Variants in ADAM18 observed in about 807,000 individuals in gnomAD.
ADAM18 encodes the protein ADAM metallopeptidase domain 18, also known as disintegrin and metalloproteinase domain-containing protein 18.
Under a neutral mutation model 94.4 loss-of-function variants are expected in ADAM18, and 117 were observed. The observed-to-expected ratio is 1.24, with a 90% CI of 1.07 to 1.45. The LOEUF (loss-of-function observed/expected upper bound fraction) is 1.45, where lower values mean the gene tolerates loss of function less well. Among genes scored for constraint, ADAM18 ranks in the 40% most tolerant of loss-of-function variants. The pLI is 0.00. For synonymous variants in ADAM18, 327 were observed against 291.6 expected (o/e 1.12, Z -1.24); for missense variants, 936 against 880.0 (o/e 1.06, Z -0.81).
chr8:39,607,561 T>C (rs1371867493), intron 3 of ADAM18, among the ~76,000 whole-genome samples: 3 of 152,124 alleles, frequency 2.0e-5, no homozygotes, highest in Non-Finnish European at 2.9e-5. Context: ...TCTGTTTGTG[T>C]TTTAGTCTTA....
At chr8:39,663,425 C>CAAAAAAA (rs374386277) in intron 12 of ADAM18, among the ~76,000 whole-genome samples, 1 of 102,818 alleles carries the variant, frequency 9.7e-6, no homozygotes, top group Non-Finnish European at 1.8e-5. Flanking sequence ...CTAGTCTTTA[C>CAAAAAAA]AAAAAAAAAA....
intron 12 of ADAM18, among the ~76,000 whole-genome samples, chr8:39,659,283 G>T (rs1385940079): frequency 1.3e-5 from 2 of 151,648 alleles, no homozygotes; most frequent in Admixed American, 1.3e-4. Flanking sequence ...TAAAATAATT[G>T]ATTGGATTTT....
At chr8:39,709,024 G>A (rs1822319448) in intron 18 of ADAM18, among the ~76,000 whole-genome samples, 1 of 152,224 alleles carries the variant, frequency 6.6e-6, no homozygotes, top group African/African-American at 2.4e-5. Flanking sequence ...TTTCATGTGA[G>A]GTGGTAGCTC....
In ADAM18 at chr8:39,706,707, G is replaced by T. The variant is rs1822251152; in HGVS notation, c.1903-83G>T. On this transcript the variant is annotated intron_variant, in intron 17 of 19. Coordinates refer to ENST00000265707, the MANE Select transcript of ADAM18 (RefSeq NM_014237.3). ...AAAAATAATTATTCTATGAAATTTA[G>T]TTATTTATATCAGATACAAAGACCT... is the stretch of plus-strand genomic sequence containing the variant. 10 of 575,984 alleles carry T rather than the reference G, an allele frequency of 1.7e-5. No individual in the cohort carries two copies. In the East Asian group the frequency reaches 2.6e-4, roughly 15 times the overall value. The allele number at this position is 575,984 out of a possible 1,614,324, so 35.7% of individuals were successfully genotyped here. A position where few individuals can be genotyped will look rare whatever the true frequency, so the allele number is the denominator to read the frequency against.
At chr8:39,602,867 CTCA>C (rs1818948639) in intron 2 of ADAM18, among the ~76,000 whole-genome samples, 1 of 152,034 alleles carries the variant, frequency 6.6e-6, no homozygotes. Flanking sequence ...TATCTAAAAA[CTCA>C]TCATCAACAC....
intron 8 of ADAM18, 78 bp from the exon 9 acceptor site, chr8:39,637,459 A>G (rs1820111131): frequency 6.4e-6 from 9 of 1,414,904 alleles, no homozygotes; most frequent in African/African-American, 1.5e-5. Context: ...ATACTGGAAC[A>G]TGTTGTTTAT....
At chr8:39,592,400 T>G (rs1818594987) in intron 2 of ADAM18, among the ~76,000 whole-genome samples, 1 of 152,198 alleles carries the variant, frequency 6.6e-6, no homozygotes, top group African/African-American at 2.4e-5. Context: ...GTATGTTTAT[T>G]GCAGCACTAT....
intron 7 of ADAM18, among the ~76,000 whole-genome samples, chr8:39,634,668 T>A (rs1453036613): frequency 6.6e-6 from 1 of 152,190 alleles, no homozygotes; most frequent in Non-Finnish European, 1.5e-5. Flanking sequence ...GAAATGGGAA[T>A]GTCTGTTCTA....
At chr8:39,679,679 A>G (rs1299070717) in intron 15 of ADAM18, among the ~76,000 whole-genome samples, 1 of 152,166 alleles carries the variant, frequency 6.6e-6, no homozygotes, top group South Asian at 2.1e-4. Flanking sequence ...CTCTCAGCAA[A>G]TTTTGTTTAA....
rs145934533 is a variant in ADAM18 at position 39,687,716 on chromosome 8, G to A, written c.1822-4884G>A. On this transcript the variant is annotated intron_variant, in intron 16 of 19. Coordinates refer to ENST00000265707, the MANE Select transcript of ADAM18 (RefSeq NM_014237.3). ...AGCTCCCACTTATAAGTGAGAACAT[G>A]CAGTATTTAGTTTTCTGTTCCTGCA... 7.8e-4 allele frequency among the ~76,000 whole-genome samples: 118 copies of A among 152,240 alleles called. 2 individuals are homozygous for A. The East Asian group carries it at 0.02, about 26-fold the overall frequency.
chr8:39,679,900 A>G, intron 15 of ADAM18, 137 bp from the exon 16 acceptor site: 1 of 767,798 alleles, frequency 1.3e-6, no homozygotes, highest in South Asian at 1.7e-5. Context: ...TGTGCACCAT[A>G]AAATAATGTT....
chr8:39,677,283 C>A, intron 14 of ADAM18, 148 bp from the exon 15 acceptor site: 1 of 576,746 alleles, frequency 1.7e-6, no homozygotes, highest in South Asian at 2.5e-5. Flanking sequence ...TTATTTCTTT[C>A]TACTTGCATT....
intron 16 of ADAM18, among the ~76,000 whole-genome samples, chr8:39,690,064 C>T (rs769076215): frequency 1.2e-4 from 19 of 152,078 alleles, no homozygotes; most frequent in Non-Finnish European, 2.5e-4. Context: ...ATTTTGTATT[C>T]GGAGACTTTG....
At chr8:39,677,188 C>A (rs1821323116) in intron 14 of ADAM18, among the ~76,000 whole-genome samples, 1 of 152,100 alleles carries the variant, frequency 6.6e-6, no homozygotes, top group African/African-American at 2.4e-5. Context: ...TTTGCTCCCA[C>A]CAGAAAGAGA....
At chr8:39,667,831 A>G (rs1821033287) in intron 13 of ADAM18, among the ~76,000 whole-genome samples, 167 bp from the exon 14 acceptor site, 1 of 152,230 alleles carries the variant, frequency 6.6e-6, no homozygotes, top group Non-Finnish European at 1.5e-5. Context: ...TCTGGGCTTC[A>G]CAATGAATAC....
At chr8:39,588,829 A>G (rs1334296160) in intron 2 of ADAM18, among the ~76,000 whole-genome samples, 3 of 152,192 alleles carry the variant, frequency 2.0e-5, no homozygotes, top group African/African-American at 7.2e-5. Context: ...TTGTTAAAGT[A>G]CTTATAAGAT....
intron 12 of ADAM18, among the ~76,000 whole-genome samples, chr8:39,650,804 G>C (rs1820511335): frequency 6.6e-6 from 1 of 152,116 alleles, no homozygotes; most frequent in African/African-American, 2.4e-5. Context: ...TGAAGGGGTG[G>C]CCTCCCCCTC....
At chr8:39,670,988 A>G (rs1821138814) in intron 14 of ADAM18, among the ~76,000 whole-genome samples, 1 of 152,218 alleles carries the variant, frequency 6.6e-6, no homozygotes, top group Admixed American at 6.5e-5. Context: ...TAGTCTGTTC[A>G]AGAACTTGTT....
intron 10 of ADAM18, 68 bp downstream of exon 10, chr8:39,638,614 T>C (rs1820154482): frequency 1.1e-6 from 1 of 946,550 alleles, no homozygotes; most frequent in Non-Finnish European, 1.5e-6. Context: ...TAAGTATTAA[T>C]TTAAGTAGTT....
Sources: allele counts gnomAD v4.1 joint callset (sites outside exome capture counted in the v4.1 genomes callset), GRCh38; gene constraint gnomAD v4.1.1; transcripts MANE v1.5; gene names NCBI Gene and HGNC (gene_info 2026-07-23, HGNC 2026-07-21).